LPP: variants seen among roughly 807,000 people sequenced by gnomAD.
The protein encoded by LPP is LIM domain containing preferred translocation partner in lipoma.
LPP carries 38 observed loss-of-function variants against 60.4 expected under a neutral mutation model. The ratio of observed to expected loss-of-function variants is 0.63; its 90% CI spans 0.49 to 0.83. The LOEUF (loss-of-function observed/expected upper bound fraction) is 0.83, where lower values mean the gene tolerates loss of function less well. LPP is among the 40% of genes least tolerant of loss of function. LPP has a pLI of 0.00. For missense variants in LPP, 902 were observed against 783.6 expected, an observed-to-expected ratio of 1.15 and a Z score of -1.80; for synonymous variants, 328 against 290.8, an observed-to-expected ratio of 1.13 and a Z score of -1.30.
chr3:188,330,603 T>C (rs1226206263), intron 2 of LPP, among the ~76,000 whole-genome samples: 6 of 152,132 alleles, frequency 3.9e-5, no homozygotes, highest in African/African-American at 1.4e-4. Flanking sequence ...TGGCCAGGCA[T>C]GGTGCCTCAT....
intron 3 of LPP, among the ~76,000 whole-genome samples, chr3:188,402,868 G>A (rs981079672): frequency 3.3e-5 from 5 of 152,182 alleles, no homozygotes; most frequent in African/African-American, 9.7e-5. Context: ...GGAGAAGTTA[G>A]GGAAATGTTC....
intron 2 of LPP, among the ~76,000 whole-genome samples, chr3:188,325,997 C>T (rs767193879): frequency 6.6e-6 from 1 of 152,018 alleles, no homozygotes; most frequent in African/African-American, 2.4e-5. Context: ...AAAATACCCT[C>T]GACTTTTTCT....
chr3:188,551,780 A>G (rs551335760), intron 6 of LPP, among the ~76,000 whole-genome samples: 7 of 152,294 alleles, frequency 4.6e-5, no homozygotes, highest in Non-Finnish European at 7.3e-5. Flanking sequence ...CCATTGGTCA[A>G]TTGTGGACAT....
chr3:188,289,553 A>G (rs2150026601), intron 2 of LPP, among the ~76,000 whole-genome samples: 1 of 152,288 alleles, frequency 6.6e-6, no homozygotes, highest in South Asian at 2.1e-4. Flanking sequence ...TGTTCTCATC[A>G]TTAGATGAGG....
At chr3:188,821,928 G>T (rs75280666) in intron 9 of LPP, among the ~76,000 whole-genome samples, 1 of 152,056 alleles carries the variant, frequency 6.6e-6, no homozygotes, top group East Asian at 1.9e-4. Context: ...AATAAATTAT[G>T]ATCTATTGAT....
intron 1 of LPP, chr3:188,178,820 A>C: frequency 5.8e-6 from 1 of 171,206 alleles, no homozygotes; most frequent in South Asian, 1.4e-4. Context: ...AAATTGGCGC[A>C]GTGGGTGAAG....
chr3:188,324,727 A>G (rs909247444), intron 2 of LPP, among the ~76,000 whole-genome samples: 1 of 152,106 alleles, frequency 6.6e-6, no homozygotes, highest in Non-Finnish European at 1.5e-5. Context: ...TTTCCACACC[A>G]TCTGGAGAGA....
At chr3:188,472,791 GA>G (rs1288404438) in intron 4 of LPP, 2 of 152,166 alleles carry the variant, frequency 1.3e-5, no homozygotes, top group Non-Finnish European at 2.9e-5. Context: ...TTTTGTTGGA[GA>G]TATTTTACAT....
intron 6 of LPP, among the ~76,000 whole-genome samples, chr3:188,606,462 T>C (rs1842397155): frequency 6.6e-6 from 1 of 152,100 alleles, no homozygotes; most frequent in Non-Finnish European, 1.5e-5. Context: ...GTTTGGTTGG[T>C]TTTTGTGTTT....
intron 4 of LPP, among the ~76,000 whole-genome samples, chr3:188,450,372 TA>T (rs1796301633): frequency 6.6e-6 from 1 of 152,236 alleles, no homozygotes; most frequent in African/African-American, 2.4e-5. Flanking sequence ...GATTAGGAAC[TA>T]TTGCTGTACT....
chr3:188,416,853 A>C (rs1398377089), intron 4 of LPP, among the ~76,000 whole-genome samples: 1 of 152,280 alleles, frequency 6.6e-6, no homozygotes, highest in East Asian at 1.9e-4. Flanking sequence ...AATGCCTGAA[A>C]TCTCAGCCAA....
intron 3 of LPP, among the ~76,000 whole-genome samples, chr3:188,345,310 C>T (rs1231860456): frequency 6.6e-6 from 1 of 152,110 alleles, no homozygotes; most frequent in Admixed American, 6.5e-5. Context: ...AGACATGGCA[C>T]AGAGGGTTCC....
intron 3 of LPP, among the ~76,000 whole-genome samples, chr3:188,405,220 C>A (rs1783169980): frequency 6.6e-6 from 1 of 152,222 alleles, no homozygotes; most frequent in African/African-American, 2.4e-5. Context: ...CCCTCTTCCC[C>A]TTTTCCACAT....
At chr3:188,549,152 T>TA (rs1827407132) in intron 6 of LPP, among the ~76,000 whole-genome samples, 1 of 152,174 alleles carries the variant, frequency 6.6e-6, no homozygotes, top group Admixed American at 6.5e-5. Flanking sequence ...ATTTTTAATT[T>TA]AAAAAAAGCA....
chr3:188,295,872 G>T (rs770113103), intron 2 of LPP, among the ~76,000 whole-genome samples: 1 of 152,106 alleles, frequency 6.6e-6, no homozygotes, highest in Non-Finnish European at 1.5e-5. Context: ...AAACCCAGGG[G>T]CAGTGTAGGT....
intron 2 of LPP, among the ~76,000 whole-genome samples, chr3:188,309,278 C>T (rs1010537267): frequency 1.3e-5 from 2 of 152,126 alleles, no homozygotes. Flanking sequence ...GCCTTGCCCT[C>T]CCAAAGTGCT....
At chr3:188,697,225 C>T (rs745740513) in intron 7 of LPP, among the ~76,000 whole-genome samples, 33 of 152,176 alleles carry the variant, frequency 2.2e-4, no homozygotes, top group Non-Finnish European at 4.4e-5. Context: ...TCCTAAGTGT[C>T]TTGGATTGCT....
chr3:188,828,179 A>C (rs1756090516), intron 9 of LPP, among the ~76,000 whole-genome samples: 1 of 152,140 alleles, frequency 6.6e-6, no homozygotes, highest in African/African-American at 2.4e-5. Flanking sequence ...CAATAAACAA[A>C]ATAATTGGCA....
chr3:188,762,769 T>A (rs1158948886), intron 9 of LPP, among the ~76,000 whole-genome samples: 1 of 82,494 alleles, frequency 1.2e-5, no homozygotes, highest in Non-Finnish European at 2.6e-5. Context: ...TTCTAACCAT[T>A]TTTTTTTTTT....
Sources: gnomAD v4.1 joint callset for allele counts (sites outside exome capture counted in the v4.1 genomes callset) on GRCh38, gnomAD v4.1.1 for gene constraint, MANE v1.5 for transcripts, NCBI Gene and HGNC (gene_info 2026-07-23, HGNC 2026-07-21) for gene names.